The following ULK2 variants were observed in gnomAD, a reference collection of about 807,000 sequenced individuals.
ULK2 encodes serine/threonine-protein kinase ULK2.
In ULK2, 76 loss-of-function variants were observed where a neutral mutation model predicts 127.5. The observed-to-expected ratio is 0.60, with a 90% CI of 0.50 to 0.72. The LOEUF is 0.72. Among genes scored for constraint, ULK2 ranks in the 30% least tolerant of loss-of-function variants. The pLI is 0.00. For missense variants in ULK2, 1,144 were observed against 1,295.9 expected, an observed-to-expected ratio of 0.88 and a Z score of 1.80; for synonymous variants, 452 against 461.9, an observed-to-expected ratio of 0.98 and a Z score of 0.28.
At chr17:19,866,205 GA>G (rs2042347267) in intron 1 of ULK2, among the ~76,000 whole-genome samples, 1 of 152,072 alleles carries the variant, frequency 6.6e-6, no homozygotes, top group South Asian at 2.1e-4. Context: ...CCTAATAAAT[GA>G]AAAGTAGGCC....
intron 20 of ULK2, among the ~76,000 whole-genome samples, chr17:19,793,338 G>GGACACAAAACCT (rs2087197644): frequency 1.3e-5 from 2 of 151,962 alleles, no homozygotes; most frequent in South Asian, 4.1e-4. Flanking sequence ...ATTTGGGTGG[G>GGACACAAAACCT]GACACAAAAC....
chr17:19,824,762 T>A (rs1350777147), intron 12 of ULK2, among the ~76,000 whole-genome samples: 1 of 152,166 alleles, frequency 6.6e-6, no homozygotes, highest in South Asian at 2.1e-4. Flanking sequence ...AATAAATATT[T>A]ATTGCCTATC....
intron 18 of ULK2, 144 bp from the exon 19 acceptor site, chr17:19,796,426 A>C: frequency 1.3e-6 from 1 of 756,748 alleles, no homozygotes; most frequent in East Asian, 3.1e-5. Context: ...GAAAGATGCA[A>C]ACCTTCTTGG....
At chr17:19,845,160 A>G in intron 7 of ULK2, 144 bp downstream of exon 7, 1 of 668,826 alleles carries the variant, frequency 1.5e-6, no homozygotes, top group Non-Finnish European at 2.4e-6. Context: ...GTATTATAGC[A>G]TTATCAGTAA....
chr17:19,815,756 T>C (rs1020412290), intron 13 of ULK2, among the ~76,000 whole-genome samples: 3 of 152,194 alleles, frequency 2.0e-5, no homozygotes, highest in Non-Finnish European at 4.4e-5. Context: ...ATAAAACCAC[T>C]TGACTAGTTA....
At position 19,839,964 on chromosome 17, in the gene ULK2, TACACACAC is replaced by T. The variant is rs60058833; in HGVS notation, c.705-1389_705-1382del. Among the ~76,000 whole-genome samples the T allele has an allele frequency of 2.4e-3, 361 of 147,696 alleles. 1 individual carries two copies. Among genetic ancestry groups the T allele is most frequent in the African/African-American group, 8.4e-3 (340 of 40,628 alleles). ...ACATACACAAAGGAGTACACACACATACACACACACACACACACACACACTTCACTAGA... is the reference window on the plus strand; with the variant it reads ...ACATACACAAAGGAGTACACACACATACACACACACACACACTTCACTAGA... On this transcript the variant is annotated intron_variant, in intron 9 of 26. Coordinates refer to ENST00000395544, the MANE Select transcript of ULK2 (RefSeq NM_014683.4).
chr17:19,824,558 G>T (rs968470202), intron 12 of ULK2, among the ~76,000 whole-genome samples: 1 of 151,478 alleles, frequency 6.6e-6, no homozygotes, highest in African/African-American at 2.4e-5. Flanking sequence ...AGATGGGAGG[G>T]AACACAGCCA....
chr17:19,847,889 G>C (rs1191724096), intron 5 of ULK2, among the ~76,000 whole-genome samples: 1 of 152,078 alleles, frequency 6.6e-6, no homozygotes, highest in Non-Finnish European at 1.5e-5. Context: ...AGCATGTTGT[G>C]GTTAACAGCT....
At chr17:19,829,838 C>CAA (rs60131689) in intron 10 of ULK2, among the ~76,000 whole-genome samples, 2,402 of 120,172 alleles carry the variant, frequency 0.02, 132 homozygotes, top group African/African-American at 0.072. Context: ...GACTCCATTT[C>CAA]AAAAAAAAAA....
intron 17 of ULK2, among the ~76,000 whole-genome samples, chr17:19,798,157 TAAAC>T (rs2087315547): frequency 6.6e-6 from 1 of 152,036 alleles, no homozygotes. Flanking sequence ...AAAAACAAAA[TAAAC>T]AAATATATAT....
rs1259045537 is a variant in ULK2 at position 19,817,005 on chromosome 17, T to TC, written c.925-86dup. ...GACTAGACTAAGGAATTTTTTTTTTTCCCCCACAAAAGTGGGCATGAAGTC... is the reference window on the plus strand; with the variant it reads ...GACTAGACTAAGGAATTTTTTTTTTTCCCCCCACAAAAGTGGGCATGAAGTC... On this transcript the variant is annotated intron_variant, in intron 12 of 26. Transcript: ENST00000395544. 6.5e-6 allele frequency: 8 copies of TC among 1,222,364 alleles called. No homozygotes were observed. In the East Asian group the frequency reaches 1.2e-4, roughly 18 times the overall value. 75.7% of individuals were successfully genotyped at this position (1,222,364 alleles called of 1,614,324 possible). A position where few individuals can be genotyped will look rare whatever the true frequency, so the allele number is the denominator to read the frequency against.
intron 3 of ULK2, among the ~76,000 whole-genome samples, chr17:19,850,190 G>A (rs978953664): frequency 6.6e-6 from 1 of 152,146 alleles, no homozygotes; most frequent in Non-Finnish European, 1.5e-5. Context: ...ATCCTCCCTA[G>A]CAACACTATA....
At chr17:19,804,246 A>AT (rs2087463960) in intron 15 of ULK2, among the ~76,000 whole-genome samples, 2 of 151,376 alleles carry the variant, frequency 1.3e-5, no homozygotes, top group South Asian at 4.2e-4. Flanking sequence ...GAAAAAAAAA[A>AT]AGAATAATCT....
intron 13 of ULK2, among the ~76,000 whole-genome samples, chr17:19,813,780 G>T (rs986419011): frequency 6.6e-6 from 1 of 152,138 alleles, no homozygotes. Context: ...GTATAAAAAT[G>T]TATCAAAACA....
At chr17:19,821,200 G>A (rs1365488942) in intron 12 of ULK2, among the ~76,000 whole-genome samples, 2 of 152,068 alleles carry the variant, frequency 1.3e-5, no homozygotes, top group African/African-American at 4.8e-5. Context: ...CCAGCTACTC[G>A]GGAGGCTGAG....
At chr17:19,821,344 C>T (rs1174898020) in intron 12 of ULK2, among the ~76,000 whole-genome samples, 1 of 152,010 alleles carries the variant, frequency 6.6e-6, no homozygotes, top group Non-Finnish European at 1.5e-5. Context: ...CAAGATTTAC[C>T]ATCTAAATAG....
At position 19,797,517 on chromosome 17, in the gene ULK2, G is replaced by A. The variant is rs1477199038; in HGVS notation, c.1688C>T (p.Pro563Leu). 3.1e-6 allele frequency: 5 copies of A among 1,613,876 alleles called. No individual in the cohort carries two copies. In the South Asian group the frequency reaches 3.3e-5, roughly 11 times the overall value. Residue 563 changes from proline to leucine, a missense_variant, in exon 18 of 27, where the codon CCT becomes CTT. Coordinates refer to ENST00000395544, the MANE Select transcript of ULK2 (RefSeq NM_014683.4). ...AAGGCTGCCAGGCCGACTGGGCTGA[G>A]GCGAGTAGCTGTACCCAGCCCCAGT... The part of the protein sequence containing the change: ...SHTGAGYSYS[P>L]QPSRPGSLGT...
rs2087410208 is a variant in ULK2, at chr17:19,801,923, C to A, written c.1296-1G>T. 2 of 1,589,276 alleles carry A rather than the reference C, an allele frequency of 1.3e-6. No homozygotes were observed. The highest frequency in any genetic ancestry group is 1.7e-6 in the Non-Finnish European group (2 of 1,173,610). ...GTTGGACCTTCGTACCACTGCAGAT[C>A]TGAAAAGTAAATTATTCCTTCTATA... On this transcript the variant is annotated splice_acceptor_variant, in intron 15 of 26. Transcript: ENST00000395544. LOFTEE classifies it high-confidence loss of function.
intron 20 of ULK2, among the ~76,000 whole-genome samples, chr17:19,786,596 C>A (rs1456705215): frequency 6.6e-6 from 1 of 151,964 alleles, no homozygotes; most frequent in South Asian, 2.1e-4. Flanking sequence ...TGCCTGTAAT[C>A]CCAGCTACTC....
Sources: allele counts gnomAD v4.1 joint callset (sites outside exome capture counted in the v4.1 genomes callset), GRCh38; gene constraint gnomAD v4.1.1; transcripts MANE v1.5; gene names NCBI Gene and HGNC (gene_info 2026-07-23, HGNC 2026-07-21).